CCDC33: variants seen among roughly 807,000 people sequenced by gnomAD.
The protein encoded by CCDC33 is coiled-coil domain-containing protein 33.
CCDC33 carries 94 observed loss-of-function variants against 91.9 expected under a neutral mutation model. The observed-to-expected ratio is 1.02, with a 90% CI of 0.87 to 1.21. The LOEUF (loss-of-function observed/expected upper bound fraction) is 1.21, where lower values mean the gene tolerates loss of function less well. CCDC33 is among the 50% of genes most tolerant of loss of function. The pLI is 0.00. For synonymous variants in CCDC33, 396 were observed against 374.5 expected, an observed-to-expected ratio of 1.06 and a Z score of -0.66; for missense variants, 940 against 935.5, an observed-to-expected ratio of 1.00 and a Z score of -0.06.
chr15:74,221,440 C>T, intron 2 of CCDC33: 1 of 444,692 alleles, frequency 2.2e-6, no homozygotes, highest in East Asian at 1.5e-4. Flanking sequence ...GCCACGGCCC[C>T]TGGGTTACAC....
At chr15:74,239,571 C>T (rs954796897) in intron 1 of CCDC33, among the ~76,000 whole-genome samples, 3 of 152,244 alleles carry the variant, frequency 2.0e-5, no homozygotes, top group Admixed American at 6.5e-5. Context: ...GCTTTGGAAT[C>T]AGGCTTGCTT....
upstream of CCDC33, chr15:74,212,809 T>G (rs1281923412): frequency 1.3e-5 from 2 of 151,916 alleles, no homozygotes; most frequent in Non-Finnish European, 2.9e-5. Flanking sequence ...AGAGAATCCC[T>G]CCTCCTCAAG....
chr15:74,264,998 C>T (rs2076130094), intron 3 of CCDC33, among the ~76,000 whole-genome samples: 1 of 152,222 alleles, frequency 6.6e-6, no homozygotes, highest in Admixed American at 6.5e-5. Flanking sequence ...GTGCCCTCTC[C>T]CCCTTCTTTC....
At chr15:74,324,643 G>C (rs2060272377) in intron 11 of CCDC33, among the ~76,000 whole-genome samples, 1 of 150,028 alleles carries the variant, frequency 6.7e-6, no homozygotes, top group African/African-American at 2.5e-5. Context: ...CTGAAAATCT[G>C]CTCCCTTCCC....
intron 1 of CCDC33, among the ~76,000 whole-genome samples, chr15:74,205,639 G>A (rs1245108912): frequency 1.3e-5 from 2 of 152,212 alleles, no homozygotes; most frequent in Non-Finnish European, 2.9e-5. Context: ...ACCATATCGG[G>A]CACTGAAGAA....
At chr15:74,272,095 G>A (rs945527022) in intron 6 of CCDC33, among the ~76,000 whole-genome samples, 4 of 152,188 alleles carry the variant, frequency 2.6e-5, no homozygotes, top group Non-Finnish European at 2.9e-5. Context: ...CAGCTAGAGA[G>A]TGTGGGGAGG....
At chr15:74,280,415 T>C (rs1490493928) in intron 8 of CCDC33, among the ~76,000 whole-genome samples, 1 of 152,210 alleles carries the variant, frequency 6.6e-6, no homozygotes, top group Non-Finnish European at 1.5e-5. Flanking sequence ...CACAGTTTTC[T>C]GCACTGTGGG....
chr15:74,243,829 C>T, intron 1 of CCDC33, 156 bp from the exon 2 acceptor site: 1 of 799,456 alleles, frequency 1.3e-6, no homozygotes. Context: ...CCTGTAATCC[C>T]AGCTACTGTG....
At chr15:74,247,317 T>C (rs1033987519) in intron 2 of CCDC33, among the ~76,000 whole-genome samples, 1 of 151,886 alleles carries the variant, frequency 6.6e-6, no homozygotes, top group Non-Finnish European at 1.5e-5. Context: ...AGGATCAACC[T>C]AAGTGTTTGT....
chr15:74,215,141 CT>C (rs1413734677), upstream of CCDC33, among the ~76,000 whole-genome samples: 1 of 152,136 alleles, frequency 6.6e-6, no homozygotes, highest in Non-Finnish European at 1.5e-5. Flanking sequence ...ATGAGTAGGG[CT>C]GCTGTCGGGT....
intron 16 of CCDC33, chr15:74,333,282 G>T: frequency 6.2e-7 from 1 of 1,600,990 alleles, no homozygotes; most frequent in Non-Finnish European, 8.5e-7. Context: ...GAGACGCATG[G>T]CCCAGGCCAC....
At chr15:74,215,738 C>T (rs2074424545), upstream of CCDC33, among the ~76,000 whole-genome samples, 1 of 151,832 alleles carries the variant, frequency 6.6e-6, no homozygotes. Flanking sequence ...GGCGTGGTGG[C>T]GCATGCCTGT....
intron 2 of CCDC33, among the ~76,000 whole-genome samples, chr15:74,245,488 G>A (rs1224113875): frequency 6.6e-6 from 1 of 152,190 alleles, no homozygotes; most frequent in Admixed American, 6.5e-5. Flanking sequence ...CGCCTTCTCC[G>A]CTCAGCTATT....
chr15:74,278,341 T>A (rs970189071), intron 7 of CCDC33, among the ~76,000 whole-genome samples: 4 of 152,250 alleles, frequency 2.6e-5, no homozygotes, highest in Non-Finnish European at 2.9e-5. Context: ...CGCAGTGCAT[T>A]TGTGCTGACC....
chr15:74,328,027 T>C (rs1445978655), intron 11 of CCDC33, among the ~76,000 whole-genome samples: 4 of 152,216 alleles, frequency 2.6e-5, no homozygotes, highest in Non-Finnish European at 5.9e-5. Context: ...GTGTGCGTGT[T>C]TCGCTGGAAG....
chr15:74,289,872 G>A (rs892163054), intron 10 of CCDC33, among the ~76,000 whole-genome samples: 2 of 152,236 alleles, frequency 1.3e-5, no homozygotes, highest in Non-Finnish European at 2.9e-5. Flanking sequence ...TGCAGATGGT[G>A]TGTATTAAGT....
At chr15:74,317,950 C>T (rs1327677797) in intron 11 of CCDC33, among the ~76,000 whole-genome samples, 1 of 136,498 alleles carries the variant, frequency 7.3e-6, no homozygotes, top group Admixed American at 7.8e-5. Flanking sequence ...CCACCCATGT[C>T]TCCGCTGAAC....
chr15:74,215,517 T>TAGG (rs2074417470), upstream of CCDC33, among the ~76,000 whole-genome samples: 1 of 152,144 alleles, frequency 6.6e-6, no homozygotes, highest in Non-Finnish European at 1.5e-5. Flanking sequence ...GGATGGTACA[T>TAGG]TTTATGTTAT....
chr15:74,205,163 C>T (rs2074232430), intron 1 of CCDC33, among the ~76,000 whole-genome samples: 1 of 152,124 alleles, frequency 6.6e-6, no homozygotes. Context: ...CAGGGAAGGC[C>T]TCACTGAGAA....
Sources: allele counts gnomAD v4.1 joint callset (sites outside exome capture counted in the v4.1 genomes callset), GRCh38; gene constraint gnomAD v4.1.1; transcripts MANE v1.5; gene names NCBI Gene and HGNC (gene_info 2026-07-23, HGNC 2026-07-21).